The following DLGAP1 variants were observed in gnomAD, a reference collection of about 807,000 sequenced individuals.
DLGAP1 encodes DLG associated protein 1.
A neutral mutation model predicts 90.8 loss-of-function variants in DLGAP1; 11 were observed. The observed-to-expected ratio is 0.12, with a 90% confidence interval of 0.08 to 0.20. The LOEUF is 0.20. Ranked by LOEUF, DLGAP1 falls within the 10% of genes least tolerant of loss-of-function variation. The pLI is 1.00. For missense variants in DLGAP1, 1,050 were observed against 1,333.8 expected (o/e 0.79, Z 3.31); for synonymous variants, 558 against 540.7 (o/e 1.03, Z -0.44).
At chr18:3,821,288 CAAAAA>C (rs56279066) in intron 4 of DLGAP1, among the ~76,000 whole-genome samples, 31 of 72,722 alleles carry the variant, frequency 4.3e-4, no homozygotes, top group Middle Eastern at 0.011. Flanking sequence ...GACTCTGTGT[CAAAAA>C]AAAAAAAAAA....
At chr18:4,180,796 C>A (rs1402635) in intron 1 of DLGAP1, among the ~76,000 whole-genome samples, 63,426 of 151,800 alleles carry the variant, frequency 0.42, 13,968 homozygotes, top group East Asian at 0.69. Flanking sequence ...TCACTTCTAA[C>A]CAGGAGGAAG....
At chr18:4,283,268 GA>G (rs1338944493) in intron 1 of DLGAP1, among the ~76,000 whole-genome samples, 3 of 152,322 alleles carry the variant, frequency 2.0e-5, no homozygotes, top group African/African-American at 7.2e-5. Context: ...AGTGCTTTCA[GA>G]ATAAATACTC....
At chr18:4,246,534 C>G (rs1479616477) in intron 1 of DLGAP1, among the ~76,000 whole-genome samples, 1 of 152,158 alleles carries the variant, frequency 6.6e-6, no homozygotes, top group African/African-American at 2.4e-5. Context: ...AGTGAGGAGT[C>G]AGTTATCCTC....
At position 4,049,920 on chromosome 18, in the gene DLGAP1, A is replaced by G. The variant is rs557994814; in HGVS notation, c.-158-44719T>C. Among the ~76,000 whole-genome samples the G allele has an allele frequency of 1.2e-4, 15 of 128,976 alleles. No individual in the cohort carries two copies. In the South Asian group the frequency reaches 3.2e-3, roughly 27 times the overall value. 84.6% of individuals were successfully genotyped at this position (128,976 alleles called of 152,430 possible). On this transcript the variant is annotated intron_variant, in intron 2 of 12. Coordinates refer to ENST00000315677, the MANE Select transcript of DLGAP1 (RefSeq NM_004746.4). ...TATGTATCCATCCAACGGTCCATCCATCCATCCATCCATCCATCCATCCAT... is the reference window on the plus strand; with the variant it reads ...TATGTATCCATCCAACGGTCCATCCGTCCATCCATCCATCCATCCATCCAT...
intron 2 of DLGAP1, among the ~76,000 whole-genome samples, chr18:4,022,694 G>C (rs1052979445): frequency 7.9e-5 from 12 of 152,012 alleles, no homozygotes; most frequent in African/African-American, 2.9e-4. Flanking sequence ...ATTTGTGGAG[G>C]GTATATTTAG....
At position 3,687,488 on chromosome 18, in the gene DLGAP1, CATG is replaced by C. The variant is rs982258946; in HGVS notation, c.1591+41644_1591+41646del. On this transcript the variant is annotated intron_variant, in intron 7 of 12. Coordinates refer to ENST00000315677, the MANE Select transcript of DLGAP1 (RefSeq NM_004746.4). ...AGCTCTTCATTAATTACTTTATAAACATGATGATGATCTTATCAGATCTGACAA... is the reference window on the plus strand; with the variant it reads ...AGCTCTTCATTAATTACTTTATAAACATGATGATCTTATCAGATCTGACAA... Among the ~76,000 whole-genome samples the C allele has an allele frequency of 1.4e-4, 21 of 152,276 alleles. No individual in the cohort carries two copies. In the East Asian group the frequency reaches 3.3e-3, roughly 24 times the overall value.
Position 3,499,509 on chromosome 18 carries a change from T to C in DLGAP1, c.2725-115A>G. ...TTTTTTACCTAGGGGTGGTTAGTTC[T>C]GATCTGCACACTGCATATCTACTTT... On this transcript the variant is annotated intron_variant, in intron 12 of 12. Coordinates refer to ENST00000315677, the MANE Select transcript of DLGAP1 (RefSeq NM_004746.4). This position sits in a 1 kb window ranked among gnomAD's most constrained non-coding sequence, Gnocchi z 6.4. The C allele has an allele frequency of 1.9e-6, 2 of 1,027,436 alleles. No homozygotes were observed. Among genetic ancestry groups the C allele is most frequent in the Admixed American group, 2.7e-5 (1 of 36,428 alleles). 63.6% of individuals were successfully genotyped at this position (1,027,436 alleles called of 1,614,324 possible).
chr18:3,635,415 A>C (rs1375034853), intron 7 of DLGAP1, among the ~76,000 whole-genome samples: 2 of 151,594 alleles, frequency 1.3e-5, no homozygotes, highest in Non-Finnish European at 2.9e-5. Context: ...CTGGGATTAC[A>C]GGCGTGAGCC....
rs532105157 is a variant in DLGAP1 at position 3,581,985 on chromosome 18, C to T, written c.1855G>A (p.Gly619Ser). 2 of 1,613,688 alleles carry T rather than the reference C, an allele frequency of 1.2e-6. No individual in the cohort carries two copies. Among genetic ancestry groups the T allele is most frequent in the Admixed American group, 1.7e-5 (1 of 59,912 alleles). Residue 619 changes from glycine to serine, a missense_variant, in exon 8 of 13, where the codon GGC becomes AGC. By Grantham distance (56) the Gly-to-Ser change is moderately conservative. This residue lies in a region of DLGAP1 where 565 missense variants were observed against 879.7 expected (regional missense o/e 0.64). Transcript: ENST00000315677. ...QIHGPASQHM[G>S]NNTATVTTTT... ...GTGGTGACGGTGGCAGTGTTATTGC[C>T]CATGTGTTGACTGGCAGGGCCATGG...
At chr18:3,500,763 G>T (rs1568082158) in intron 12 of DLGAP1, among the ~76,000 whole-genome samples, 1 of 151,948 alleles carries the variant, frequency 6.6e-6, no homozygotes, top group South Asian at 2.1e-4. Context: ...ATATCAATAG[G>T]TTACATATAT....
chr18:4,341,436 T>C (rs2081185837), intron 1 of DLGAP1, among the ~76,000 whole-genome samples: 2 of 152,168 alleles, frequency 1.3e-5, no homozygotes, highest in Admixed American at 1.3e-4. Context: ...GACTAGGTAA[T>C]GATCTAATGA....
intron 2 of DLGAP1, among the ~76,000 whole-genome samples, chr18:4,122,982 G>C (rs2076177061): frequency 6.6e-6 from 1 of 152,192 alleles, no homozygotes; most frequent in Non-Finnish European, 1.5e-5. Flanking sequence ...ATTGCCCCAA[G>C]GGTAAGAACT....
At chr18:4,023,436 T>C (rs1460022356) in intron 2 of DLGAP1, among the ~76,000 whole-genome samples, 1 of 152,348 alleles carries the variant, frequency 6.6e-6, no homozygotes, top group African/African-American at 2.4e-5. Flanking sequence ...ATATTTGCCA[T>C]GTAATCACAG....
At chr18:4,324,786 T>C (rs930998250) in intron 1 of DLGAP1, among the ~76,000 whole-genome samples, 16 of 69,196 alleles carry the variant, frequency 2.3e-4, no homozygotes, top group Non-Finnish European at 3.8e-4. Context: ...CCTTAATTGA[T>C]GCAGAAAAGC....
At chr18:3,579,251 C>T (rs1431560597) in intron 8 of DLGAP1, among the ~76,000 whole-genome samples, 2 of 152,224 alleles carry the variant, frequency 1.3e-5, no homozygotes, top group South Asian at 2.1e-4. Context: ...GCTCTTGTTG[C>T]CCCGACTTGT....
chr18:3,691,203 C>CT (rs1372343226), intron 7 of DLGAP1, among the ~76,000 whole-genome samples: 1 of 152,068 alleles, frequency 6.6e-6, no homozygotes, highest in Admixed American at 6.6e-5. Context: ...AATCCCAGCA[C>CT]TTTGGGAGGT....
At chr18:3,929,418 C>T (rs760771445) in intron 3 of DLGAP1, among the ~76,000 whole-genome samples, 6 of 152,214 alleles carry the variant, frequency 3.9e-5, no homozygotes, top group Non-Finnish European at 7.3e-5. Flanking sequence ...GTCTCTGTAG[C>T]AAAGAGAGAA....
chr18:4,156,831 T>C (rs2076764507), intron 1 of DLGAP1, among the ~76,000 whole-genome samples: 1 of 152,154 alleles, frequency 6.6e-6, no homozygotes, highest in Non-Finnish European at 1.5e-5. Context: ...TGATTAATAG[T>C]CCTATAAGAT....
chr18:3,672,092 A>T (rs920136520), intron 7 of DLGAP1, among the ~76,000 whole-genome samples: 6 of 152,164 alleles, frequency 3.9e-5, no homozygotes, highest in African/African-American at 1.2e-4. Context: ...AAAAGTTAAT[A>T]TTCTGTTTTT....
Sources: allele counts gnomAD v4.1 joint callset (sites outside exome capture counted in the v4.1 genomes callset), GRCh38; gene constraint gnomAD v4.1.1; regional missense constraint gnomAD v4.1.1; non-coding constraint Gnocchi (gnomAD v3.1); transcripts MANE v1.5; gene names NCBI Gene and HGNC (gene_info 2026-07-23, HGNC 2026-07-21).